The following LRRK2 variants were observed in gnomAD, a reference collection of about 807,000 sequenced individuals.
LRRK2 encodes leucine rich repeat kinase 2.
Under a neutral mutation model 302.6 loss-of-function variants are expected in LRRK2, and 203 were observed. The observed-to-expected ratio is 0.67, with a 90% CI of 0.60 to 0.75. LRRK2 has a LOEUF of 0.75. Ranked by LOEUF, LRRK2 falls within the 30% of genes least tolerant of loss-of-function variation. The pLI is 0.00. For synonymous variants in LRRK2, 1,066 were observed against 1,031.9 expected, an observed-to-expected ratio of 1.03 and a Z score of -0.63; for missense variants, 2,830 against 2,951.0, an observed-to-expected ratio of 0.96 and a Z score of 0.95.
chr12:40,310,496 A>G lies in LRRK2; in HGVS notation c.4383A>G (p.Gln1461=). The change falls in exon 31 of 51, where the codon CAA becomes CAG. Residue 1461 remains glutamine, a synonymous_variant. Coordinates refer to ENST00000298910, the MANE Select transcript of LRRK2 (RefSeq NM_198578.4). ...ATTTGGATGTTTCTGATGAGAAGCA[A>G]CGCAAAGCCTGCATGAGTAAAATCA... is the stretch of plus-strand genomic sequence containing the variant. ...GTHLDVSDEK[Q]RKACMSKITK... 4 of 1,613,138 alleles carry G rather than the reference A, an allele frequency of 2.5e-6. No individual in the cohort carries two copies. Among genetic ancestry groups the G allele is most frequent in the Non-Finnish European group, 3.4e-6 (4 of 1,179,794 alleles).
At chr12:40,335,323 T>G (rs1195298552) in intron 40 of LRRK2, among the ~76,000 whole-genome samples, 166 bp downstream of exon 40, 2 of 152,162 alleles carry the variant, frequency 1.3e-5, no homozygotes, top group Non-Finnish European at 1.5e-5. Flanking sequence ...TTTCAGAAAA[T>G]AAGAGTATGG....
rs200513673 is a variant in LRRK2, at chr12:40,367,693, G to A, written c.7512G>A (p.Val2504=). 1.2e-6 allele frequency: 2 copies of A among 1,603,554 alleles called. No individual in the cohort carries two copies. The highest frequency in any genetic ancestry group is 2.3e-5 in the East Asian group (1 of 44,386). The change falls in exon 51 of 51, where the codon GTG becomes GTA. Residue 2504 remains valine, a synonymous_variant. Transcript: ENST00000298910. ...TVWDINLPHE[V]QNLEKHIEVR... Reference sequence around the variant, plus strand: ...GGGACATCAATCTTCCACATGAAGTGCAAAATTTAGAAAAACACATTGAAG... The same window carrying A: ...GGGACATCAATCTTCCACATGAAGTACAAAATTTAGAAAAACACATTGAAG...
intron 44 of LRRK2, among the ~76,000 whole-genome samples, chr12:40,353,538 G>A (rs1459842744): frequency 2.7e-5 from 4 of 147,036 alleles, no homozygotes; most frequent in East Asian, 2.0e-4. Context: ...CATCCCAGAC[G>A]ATGGGCGGCC....
rs1945452440 is a variant in LRRK2, at chr12:40,323,240, C to T, written c.5590C>T (p.Leu1864=). 1 of 1,613,206 alleles carries T rather than the reference C, an allele frequency of 6.2e-7. No homozygotes were observed. The highest frequency in any genetic ancestry group is 8.5e-7 in the Non-Finnish European group (1 of 1,179,442). Residue 1864 remains leucine (L), a synonymous_variant, in exon 38 of 51, where the codon CTG becomes TTG. Coordinates refer to ENST00000298910, the MANE Select transcript of LRRK2 (RefSeq NM_198578.4). ...QIAPDLILAD[L]PRNIMLNNDE... is the part of the protein sequence containing the mutation. ...TGCCCCTGACTTGATTTTGGCTGAC[C>T]TGCCTAGAAATATTATGTTGAATAA...
intron 2 of LRRK2, among the ~76,000 whole-genome samples, chr12:40,231,390 CAA>C (rs10631840): frequency 9.4e-6 from 1 of 106,702 alleles, no homozygotes. Flanking sequence ...CCTGTCTTCA[CAA>C]AAAAAAAAAA....
chr12:40,270,725 A>G (rs924571323), intron 14 of LRRK2, among the ~76,000 whole-genome samples: 19 of 152,096 alleles, frequency 1.2e-4, no homozygotes, highest in Admixed American at 6.6e-4. Flanking sequence ...GGGATATGGT[A>G]TCCTCATTCT....
intron 39 of LRRK2, 92 bp downstream of exon 39, chr12:40,328,552 A>G: frequency 1.1e-6 from 1 of 938,946 alleles, no homozygotes; most frequent in South Asian, 1.6e-5. Context: ...ATGCAAAATA[A>G]TGACCACATT....
In LRRK2 at chr12:40,351,753, AAATCTTTCAT is replaced by A; in HGVS notation, c.6576+24_6576+33del. The A allele has an allele frequency of 1.2e-6, 2 of 1,610,652 alleles. No individual in the cohort carries two copies. The highest frequency in any genetic ancestry group is 1.7e-6 in the Non-Finnish European group (2 of 1,177,144). ...TCTGAGGTAAATCCAAATGCTCTTT[AAATCTTTCAT>A]AATTTAAAGCATATACCATTTGGAA... On this transcript the variant is annotated intron_variant, in intron 44 of 50. Coordinates refer to ENST00000298910, the MANE Select transcript of LRRK2 (RefSeq NM_198578.4).
At chr12:40,340,778 G>T (rs1419740140) in intron 41 of LRRK2, among the ~76,000 whole-genome samples, 1 of 152,150 alleles carries the variant, frequency 6.6e-6, no homozygotes, top group East Asian at 1.9e-4. Flanking sequence ...TTTAGTCTAG[G>T]TATTGTTGGC....
chr12:40,294,001 G>A (rs983967833), intron 21 of LRRK2, among the ~76,000 whole-genome samples: 3 of 151,420 alleles, frequency 2.0e-5, no homozygotes, highest in Non-Finnish European at 4.4e-5. Flanking sequence ...CTACCTAATG[G>A]TGTGGGTTGG....
intron 6 of LRRK2, among the ~76,000 whole-genome samples, chr12:40,241,179 T>C (rs1393328382): frequency 1.3e-5 from 2 of 152,170 alleles, no homozygotes; most frequent in African/African-American, 4.8e-5. Flanking sequence ...CCGCTGTGCA[T>C]GCACATCCCC....
At chr12:40,243,782 T>TTCAA in intron 7 of LRRK2, 101 bp downstream of exon 7, 1 of 1,129,268 alleles carries the variant, frequency 8.9e-7, no homozygotes. Context: ...CATATTGACA[T>TTCAA]ACTTTGAATG....
rs1301893010 is a variant in LRRK2 at position 40,346,679 on chromosome 12, C to A, written c.6110-74C>A. 4.4e-6 allele frequency: 6 copies of A among 1,371,780 alleles called. No individual in the cohort carries two copies. In the East Asian group the frequency reaches 1.4e-4, roughly 32 times the overall value. 85.0% of individuals were successfully genotyped at this position (1,371,780 alleles called of 1,614,324 possible). A position where few individuals can be genotyped will look rare whatever the true frequency, so the allele number is the denominator to read the frequency against. On this transcript the variant is annotated intron_variant, in intron 41 of 50. Transcript: ENST00000298910. ...CCTGACTCTCTTATTTGGCATATAG[C>A]CTAAGTGTATGCCTCCTTGGATGTA...
intron 18 of LRRK2, 138 bp downstream of exon 18, chr12:40,278,399 C>T: frequency 9.5e-7 from 1 of 1,056,320 alleles, no homozygotes; most frequent in Non-Finnish European, 1.4e-6. Flanking sequence ...TTGTTTGTGT[C>T]TTGTAGTAGA....
intron 18 of LRRK2, among the ~76,000 whole-genome samples, chr12:40,280,503 T>C (rs1017304216): frequency 6.6e-6 from 1 of 151,928 alleles, no homozygotes; most frequent in African/African-American, 2.4e-5. Flanking sequence ...TACCTGCTTA[T>C]AGTCCCAGCT....
At chr12:40,346,709 C>T in intron 41 of LRRK2, 44 bp from the exon 42 acceptor site, 1 of 1,583,934 alleles carries the variant, frequency 6.3e-7, no homozygotes, top group South Asian at 1.1e-5. Context: ...GATGTATGAG[C>T]CCTGATGTTG....
At chr12:40,341,763 G>A (rs1450091317) in intron 41 of LRRK2, among the ~76,000 whole-genome samples, 1 of 152,114 alleles carries the variant, frequency 6.6e-6, no homozygotes, top group African/African-American at 2.4e-5. Context: ...GTCTAAATGA[G>A]AACCAGATCC....
In LRRK2 at chr12:40,323,216, G is replaced by A. The variant is rs749766813; in HGVS notation, c.5566G>A (p.Ala1856Thr). Reference sequence around the variant, plus strand: ...GCTCACCATTCCAATATCTCAGATTGCCCCTGACTTGATTTTGGCTGACCT... The same window carrying A: ...GCTCACCATTCCAATATCTCAGATTACCCCTGACTTGATTTTGGCTGACCT... Reference protein sequence around the residue: ...PRLTIPISQIAPDLILADLPR... With the variant: ...PRLTIPISQITPDLILADLPR... The change falls in exon 38 of 51, where the codon GCC becomes ACC. Residue 1856 changes from alanine (A) to threonine (T), a missense_variant. Physicochemically the swap from Ala to Thr is moderately conservative, Grantham distance 58. Coordinates refer to ENST00000298910, the MANE Select transcript of LRRK2 (RefSeq NM_198578.4). 1.9e-6 allele frequency: 3 copies of A among 1,612,950 alleles called. No homozygotes were observed. The highest frequency in any genetic ancestry group is 2.5e-6 in the Non-Finnish European group (3 of 1,179,320).
intron 23 of LRRK2, 73 bp from the exon 24 acceptor site, chr12:40,298,170 A>G: frequency 6.6e-7 from 1 of 1,507,214 alleles, no homozygotes; most frequent in Non-Finnish European, 9.1e-7. Flanking sequence ...AGAGGTGTGT[A>G]AGGCAGAAAT....
Sources: gnomAD v4.1 joint callset for allele counts (sites outside exome capture counted in the v4.1 genomes callset) on GRCh38, gnomAD v4.1.1 for gene constraint, MANE v1.5 for transcripts, NCBI Gene and HGNC (gene_info 2026-07-23, HGNC 2026-07-21) for gene names.